EML1: variants seen among roughly 807,000 people sequenced by gnomAD.
The protein encoded by EML1 is EMAP like 1.
EML1 carries 27 observed loss-of-function variants against 110.4 expected under a neutral mutation model. The ratio of observed to expected loss-of-function variants is 0.24; its 90% CI spans 0.18 to 0.34. The LOEUF (loss-of-function observed/expected upper bound fraction) is 0.34, where lower values mean the gene tolerates loss of function less well. Among genes scored for constraint, EML1 ranks in the 10% least tolerant of loss-of-function variants. The pLI, the probability that EML1 is intolerant of heterozygous loss-of-function variation, is 1.00. For synonymous variants in EML1, 344 were observed against 385.8 expected (o/e 0.89, Z 1.27); for missense variants, 741 against 1,030.9 (o/e 0.72, Z 3.85).
intron 1 of EML1, among the ~76,000 whole-genome samples, chr14:99,756,518 T>C (rs1178574214): frequency 1.3e-5 from 2 of 152,198 alleles, no homozygotes; most frequent in African/African-American, 4.8e-5. Flanking sequence ...GGGAAACCTT[T>C]ACTTCAGATA....
intron 16 of EML1, among the ~76,000 whole-genome samples, chr14:99,919,425 G>GACACACACACACAC (rs376238109): frequency 2.1e-5 from 2 of 97,468 alleles, no homozygotes; most frequent in Admixed American, 1.2e-4. Flanking sequence ...CATGCACACA[G>GACACACACACACAC]ACACACACAC....
At chr14:99,918,747 C>T (rs930547924) in intron 16 of EML1, among the ~76,000 whole-genome samples, 1 of 152,166 alleles carries the variant, frequency 6.6e-6, no homozygotes, top group African/African-American at 2.4e-5. Context: ...ATCAGGAGTT[C>T]GAGGCTGCAT....
At chr14:99,774,948 C>T (rs892887473) in intron 1 of EML1, among the ~76,000 whole-genome samples, 15 of 152,058 alleles carry the variant, frequency 9.9e-5, no homozygotes, top group Non-Finnish European at 1.9e-4. Context: ...GCCAAAAATG[C>T]AATTTACTAA....
chr14:99,848,898 G>A (rs1051030377), intron 1 of EML1, among the ~76,000 whole-genome samples: 2 of 151,436 alleles, frequency 1.3e-5, no homozygotes, highest in South Asian at 2.1e-4. Flanking sequence ...AGGGAGTGAA[G>A]GCTGCAGTGA....
chr14:99,891,447 C>T (rs1566921560), intron 5 of EML1, among the ~76,000 whole-genome samples: 3 of 152,302 alleles, frequency 2.0e-5, no homozygotes, highest in South Asian at 2.1e-4. Context: ...TTCACCTACC[C>T]TCTCCAAAAC....
At chr14:99,815,139 CTTTT>C (rs57894783) in intron 1 of EML1, among the ~76,000 whole-genome samples, 1 of 96,358 alleles carries the variant, frequency 1.0e-5, no homozygotes, top group African/African-American at 4.4e-5. Context: ...TGAGGCTTGG[CTTTT>C]TTTTTTTTTT....
intron 4 of EML1, chr14:99,883,584 C>G (rs1418591420): frequency 6.6e-6 from 1 of 151,878 alleles, no homozygotes; most frequent in Non-Finnish European, 1.5e-5. Context: ...ACAACAATCA[C>G]CTGCAGTCTC....
At chr14:99,789,245 A>T (rs563585056), upstream of EML1, among the ~76,000 whole-genome samples, 5 of 152,096 alleles carry the variant, frequency 3.3e-5, no homozygotes, top group African/African-American at 4.8e-5. Context: ...ATCTTGCTCC[A>T]TTGTCCAGGA....
intron 10 of EML1, among the ~76,000 whole-genome samples, chr14:99,908,214 C>G (rs1291883496): frequency 6.6e-6 from 1 of 152,228 alleles, no homozygotes; most frequent in East Asian, 1.9e-4. Context: ...GCGGGAGCCC[C>G]GAGCTAAACC....
At chr14:99,744,997 T>C (rs113523622) in intron 1 of EML1, among the ~76,000 whole-genome samples, 1 of 152,150 alleles carries the variant, frequency 6.6e-6, no homozygotes, top group South Asian at 2.1e-4. Flanking sequence ...AATACAGATA[T>C]GCACTCTCTC....
intron 1 of EML1, among the ~76,000 whole-genome samples, chr14:99,801,773 T>G (rs868168131): frequency 5.3e-5 from 8 of 151,866 alleles, no homozygotes; most frequent in South Asian, 2.1e-4. Context: ...TAGGCTAGGG[T>G]TGGGTTTGGT....
At chr14:99,741,386 CA>C (rs1331234123) in intron 1 of EML1, among the ~76,000 whole-genome samples, 1 of 152,110 alleles carries the variant, frequency 6.6e-6, no homozygotes, top group Non-Finnish European at 1.5e-5. Flanking sequence ...CCGTCTTTAT[CA>C]CCTCCCCCAA....
At chr14:99,842,900 G>C (rs746238552) in intron 1 of EML1, among the ~76,000 whole-genome samples, 5 of 152,158 alleles carry the variant, frequency 3.3e-5, no homozygotes, top group African/African-American at 1.2e-4. Flanking sequence ...AGCAGTGAGC[G>C]TGTGTGCCTT....
chr14:99,809,567 C>A (rs1484452648), intron 1 of EML1: 4 of 447,258 alleles, frequency 8.9e-6, no homozygotes, highest in East Asian at 7.0e-5. Context: ...TTTCTGGGTC[C>A]ATCCCAGCCC....
intron 1 of EML1, among the ~76,000 whole-genome samples, chr14:99,747,418 C>T (rs923493821): frequency 1.3e-5 from 2 of 151,698 alleles, no homozygotes; most frequent in East Asian, 3.9e-4. Flanking sequence ...AGCTGTCTGG[C>T]CTGATGGGGG....
In EML1 at chr14:99,753,700, C is replaced by G. The variant is rs190260297; in HGVS notation, c.28+15840C>G. ...TGTCTGAGTCATCTCTACCCCAGCC[C>G]TGGCACATAGTAGGTGCTCAGTGGG... On this transcript the variant is annotated intron_variant, in intron 1 of 10. Transcript: ENST00000554479. Among the ~76,000 whole-genome samples, 313 of 152,330 alleles carry G rather than the reference C, an allele frequency of 2.1e-3. 3 individuals are homozygous for G. Among genetic ancestry groups the G allele is most frequent in the Middle Eastern group, 6.8e-3 (2 of 294 alleles).
At chr14:99,822,145 G>A (rs1218462772) in intron 1 of EML1, among the ~76,000 whole-genome samples, 2 of 152,190 alleles carry the variant, frequency 1.3e-5, no homozygotes, top group African/African-American at 4.8e-5. Flanking sequence ...CTACCAGAGG[G>A]CAGGTTGCAT....
chr14:99,855,374 A>G (rs1023458152), intron 2 of EML1, among the ~76,000 whole-genome samples: 1 of 152,224 alleles, frequency 6.6e-6, no homozygotes, highest in East Asian at 1.9e-4. Flanking sequence ...CTTTCTTTGC[A>G]TTGAATCTGA....
At chr14:99,898,699 C>G (rs1257589852) in intron 8 of EML1, among the ~76,000 whole-genome samples, 1 of 150,770 alleles carries the variant, frequency 6.6e-6, no homozygotes, top group Non-Finnish European at 1.5e-5. Flanking sequence ...TTGCAGTGAG[C>G]CAAGATCATG....
Sources: allele counts gnomAD v4.1 joint callset (sites outside exome capture counted in the v4.1 genomes callset), GRCh38; gene constraint gnomAD v4.1.1; transcripts MANE v1.5; gene names NCBI Gene and HGNC (gene_info 2026-07-23, HGNC 2026-07-21).